Variants in DPP6 observed in about 807,000 individuals in gnomAD.
DPP6 encodes dipeptidyl peptidase like 6.
In DPP6, 69 loss-of-function variants were observed where a neutral mutation model predicts 122.6. The ratio of observed to expected loss-of-function variants is 0.56; its 90% CI spans 0.46 to 0.69. The LOEUF (loss-of-function observed/expected upper bound fraction) is 0.69, where lower values mean the gene tolerates loss of function less well. Among genes scored for constraint, DPP6 ranks in the 30% least tolerant of loss-of-function variants. The probability of loss-of-function intolerance (pLI) is 0.00; values close to 1 mark genes in which losing one functional copy is unlikely to be tolerated. For synonymous variants in DPP6, 418 were observed against 433.1 expected (o/e 0.97, Z 0.43); for missense variants, 928 against 1,116.9 (o/e 0.83, Z 2.41).
chr7:154,660,719 C>G (rs1837605700), intron 6 of DPP6, among the ~76,000 whole-genome samples: 1 of 84,554 alleles, frequency 1.2e-5, no homozygotes, highest in Non-Finnish European at 2.3e-5. Context: ...CGCTAGTATT[C>G]ATATAGTCAT....
At chr7:154,711,693 A>G (rs927665093) in intron 7 of DPP6, among the ~76,000 whole-genome samples, 4 of 152,118 alleles carry the variant, frequency 2.6e-5, no homozygotes, top group East Asian at 1.9e-4. Context: ...TAGTATTGCT[A>G]TCATTTTGTC....
chr7:154,392,468 G>A (rs547612336), intron 1 of DPP6, among the ~76,000 whole-genome samples: 112 of 152,284 alleles, frequency 7.4e-4, no homozygotes, highest in African/African-American at 2.6e-3. Context: ...CAGGTGGAGA[G>A]TGGATTCACC....
intron 16 of DPP6, chr7:154,838,290 A>T (rs1358156199): frequency 6.6e-6 from 1 of 152,224 alleles, no homozygotes; most frequent in Non-Finnish European, 1.5e-5. Context: ...ATGTTTTCAA[A>T]CTTGTTTTAA....
chr7:154,370,931 G>A (rs573259177), intron 1 of DPP6, among the ~76,000 whole-genome samples: 3 of 152,312 alleles, frequency 2.0e-5, no homozygotes, highest in South Asian at 2.1e-4. Context: ...TTTCACACTC[G>A]AAGCATGCAG....
chr7:154,077,116 A>G (rs1420929229), intron 1 of DPP6, among the ~76,000 whole-genome samples: 1 of 152,232 alleles, frequency 6.6e-6, no homozygotes, highest in Admixed American at 6.5e-5. Context: ...GTTTGCACTA[A>G]AAATAATGTT....
At chr7:154,567,246 T>A (rs1830818860) in intron 5 of DPP6, among the ~76,000 whole-genome samples, 1 of 152,218 alleles carries the variant, frequency 6.6e-6, no homozygotes, top group East Asian at 1.9e-4. Flanking sequence ...AATAATAGAT[T>A]TTATCCTAAG....
At chr7:154,852,240 T>C in intron 16 of DPP6, among the ~76,000 whole-genome samples, 1 of 152,170 alleles carries the variant, frequency 6.6e-6, no homozygotes. Context: ...GCAGGAATAC[T>C]GAACTCCACC....
chr7:154,370,103 C>T (rs1484505479), intron 1 of DPP6, among the ~76,000 whole-genome samples: 2 of 152,064 alleles, frequency 1.3e-5, no homozygotes, highest in Admixed American at 6.5e-5. Flanking sequence ...CTGCCTCATC[C>T]TCCCTAGTAG....
At position 154,341,752 on chromosome 7, in the gene DPP6, C is replaced by T. The variant is rs146519514; in HGVS notation, c.244-104462C>T. Among the ~76,000 whole-genome samples, 624 of 152,032 alleles carry T rather than the reference C, an allele frequency of 4.1e-3. 3 individuals carry two copies. The highest frequency in any genetic ancestry group is 4.3e-3 in the Non-Finnish European group (293 of 68,004). Reference sequence around the variant, plus strand: ...CTCCTTGATGACATTTAAGACTGCACCCATTTTTATGTTCCAGGTGTTGTA... The same window carrying T: ...CTCCTTGATGACATTTAAGACTGCATCCATTTTTATGTTCCAGGTGTTGTA... On this transcript the variant is annotated intron_variant, in intron 1 of 25. Coordinates refer to ENST00000377770, the MANE Select transcript of DPP6 (RefSeq NM_130797.4).
At chr7:154,778,931 CTCT>C (rs1796782428) in intron 10 of DPP6, among the ~76,000 whole-genome samples, 1 of 142,826 alleles carries the variant, frequency 7.0e-6, no homozygotes, top group South Asian at 2.4e-4. Context: ...CCTACACAAC[CTCT>C]ACAACTTCCA....
intron 1 of DPP6, among the ~76,000 whole-genome samples, chr7:153,896,973 G>T (rs1469454834): frequency 6.6e-6 from 1 of 152,024 alleles, no homozygotes; most frequent in Non-Finnish European, 1.5e-5. Flanking sequence ...TTCTTCCTAT[G>T]ACTCTGTAAA....
intron 5 of DPP6, among the ~76,000 whole-genome samples, chr7:154,584,633 T>G (rs1832314634): frequency 6.6e-6 from 1 of 152,254 alleles, no homozygotes; most frequent in Admixed American, 6.5e-5. Flanking sequence ...AATGAGCAGC[T>G]GCAGCTTCCA....
At chr7:154,834,940 TG>T (rs1563263893) in intron 16 of DPP6, among the ~76,000 whole-genome samples, 2 of 152,146 alleles carry the variant, frequency 1.3e-5, no homozygotes, top group African/African-American at 2.4e-5. Flanking sequence ...TTCGCTGGCT[TG>T]GGGGTGTCTG....
At chr7:154,547,324 C>T (rs932990247) in intron 4 of DPP6, among the ~76,000 whole-genome samples, 4 of 152,210 alleles carry the variant, frequency 2.6e-5, no homozygotes, top group Non-Finnish European at 5.9e-5. Flanking sequence ...ACTGGCAGCT[C>T]GTGATGCCCA....
chr7:153,882,057 G>A, the DPP6 span, among the ~76,000 whole-genome samples: 1 of 152,144 alleles, frequency 6.6e-6, no homozygotes, highest in African/African-American at 2.4e-5. Context: ...CATATCATTA[G>A]TCTCTCAACA....
At chr7:154,318,032 T>C (rs967729218) in intron 1 of DPP6, among the ~76,000 whole-genome samples, 2 of 152,244 alleles carry the variant, frequency 1.3e-5, no homozygotes, top group Non-Finnish European at 1.5e-5. Context: ...TCCAAATAAC[T>C]TTTAGTGATA....
At chr7:154,221,272 A>G (rs1419904077) in intron 1 of DPP6, among the ~76,000 whole-genome samples, 1 of 151,926 alleles carries the variant, frequency 6.6e-6, no homozygotes, top group Non-Finnish European at 1.5e-5. Flanking sequence ...TCCCAAGTAG[A>G]TGGAACTATA....
Position 154,872,637 on chromosome 7 carries a change from G to T in DPP6, c.1827G>T (p.Gln609His). ...IEIDDYNLPMQILKPATFTDT... is the reference protein window; with the variant it reads ...IEIDDYNLPMHILKPATFTDT... ...GCTTCTCCCCAGACCTGCCCATGCA[G>T]ATACTGAAGCCAGCAACCTTCACCG... Residue 609 changes from glutamine to histidine, a missense_variant, in exon 19 of 26, where the codon CAG (glutamine) becomes CAT (histidine). By Grantham distance (24) the Gln-to-His change is conservative. Transcript: ENST00000377770. 6.2e-7 allele frequency: 1 copy of T among 1,601,776 alleles called. No individual in the cohort carries two copies. The highest frequency in any genetic ancestry group is 1.7e-5 in the Admixed American group (1 of 58,570).
chr7:154,431,407 C>T (rs1369739109), intron 1 of DPP6, among the ~76,000 whole-genome samples: 5 of 132,422 alleles, frequency 3.8e-5, no homozygotes, highest in East Asian at 4.4e-4. Flanking sequence ...TAGCCGCTGT[C>T]GTCAAAACCT....
Sources: allele counts gnomAD v4.1 joint callset (sites outside exome capture counted in the v4.1 genomes callset), GRCh38; gene constraint gnomAD v4.1.1; transcripts MANE v1.5; gene names NCBI Gene and HGNC (gene_info 2026-07-23, HGNC 2026-07-21).